PEX14: variants seen among roughly 807,000 people sequenced by gnomAD.
PEX14 encodes peroxisomal biogenesis factor 14, also known as peroxisomal membrane protein PEX14.
A neutral mutation model predicts 49.5 loss-of-function variants in PEX14; 15 were observed. The ratio of observed to expected loss-of-function variants is 0.30; its 90% CI spans 0.20 to 0.47. The LOEUF is 0.47. Ranked by LOEUF, PEX14 falls within the 20% of genes least tolerant of loss-of-function variation. The probability of loss-of-function intolerance (pLI) is 1.00; values close to 1 mark genes in which losing one functional copy is unlikely to be tolerated. For missense variants in PEX14, 398 were observed against 494.8 expected, an observed-to-expected ratio of 0.80 and a Z score of 1.86; for synonymous variants, 210 against 212.7, an observed-to-expected ratio of 0.99 and a Z score of 0.11.
At chr1:10,509,075 T>G (rs999956884) in intron 2 of PEX14, among the ~76,000 whole-genome samples, 10 of 152,318 alleles carry the variant, frequency 6.6e-5, no homozygotes, top group Admixed American at 6.5e-4. Flanking sequence ...TAGCTGGGAC[T>G]ACAGGCGCCC....
chr1:10,613,859 T>A lies in PEX14; in HGVS notation c.299-4473T>A, dbSNP rs575291755. ...CTTGTCTGCATGGCAGGCCAGTCCCTGCTTCCAGAGTGGAGACTCGAAGCA... is the reference window on the plus strand; with the variant it reads ...CTTGTCTGCATGGCAGGCCAGTCCCAGCTTCCAGAGTGGAGACTCGAAGCA... On this transcript the variant is annotated intron_variant, in intron 4 of 8. Coordinates refer to ENST00000356607, the MANE Select transcript of PEX14 (RefSeq NM_004565.3). The surrounding 1 kb of genome is among the most constrained non-coding windows in gnomAD (Gnocchi z 5.0). Among the ~76,000 whole-genome samples, 4 of 152,356 alleles carry A rather than the reference T, an allele frequency of 2.6e-5. No individual in the cohort carries two copies. Among genetic ancestry groups the A allele is most frequent in the African/African-American group, 7.2e-5 (3 of 41,578 alleles).
rs1027895633 is a variant in PEX14 at position 10,556,601 on chromosome 1, C to T, written c.169+20304C>T. Among the ~76,000 whole-genome samples the T allele has an allele frequency of 7.2e-5, 11 of 152,206 alleles. No homozygotes were observed. The East Asian group carries it at 7.7e-4, about 11-fold the overall frequency. On this transcript the variant is annotated intron_variant, in intron 3 of 8. Transcript: ENST00000356607. ...GCTTGGCCTTACTGCCTGAGCACTG[C>T]GCCTGATGTGGAGGGTTAGGGGGCA...
chr1:10,507,309 G>A (rs573827123), intron 2 of PEX14, among the ~76,000 whole-genome samples: 30 of 152,382 alleles, frequency 2.0e-4, no homozygotes, highest in African/African-American at 6.3e-4. Flanking sequence ...GCACACTAGC[G>A]TGCGTGCGGG....
At chr1:10,573,367 C>T (rs548845005) in intron 3 of PEX14, among the ~76,000 whole-genome samples, 3 of 151,730 alleles carry the variant, frequency 2.0e-5, no homozygotes, top group African/African-American at 4.8e-5. Context: ...GAGGCCAAAG[C>T]GGAGGATTGT....
At chr1:10,540,248 G>A (rs975491129) in intron 3 of PEX14, among the ~76,000 whole-genome samples, 1 of 152,186 alleles carries the variant, frequency 6.6e-6, no homozygotes, top group Admixed American at 6.5e-5. Flanking sequence ...GAGGTAAAGG[G>A]CTTCTCTGTA....
chr1:10,512,578 A>G lies in PEX14; in HGVS notation c.84+17257A>G, dbSNP rs957339344. ...CGGTGGTTATATTCCACATTTGTCAAATCCTTAAATCCAACTGAACTAATT... is the reference window on the plus strand; with the variant it reads ...CGGTGGTTATATTCCACATTTGTCAGATCCTTAAATCCAACTGAACTAATT... On this transcript the variant is annotated intron_variant, in intron 2 of 8. Transcript: ENST00000356607. This position sits in a 1 kb window ranked among gnomAD's most constrained non-coding sequence, Gnocchi z 4.6. 1.3e-5 allele frequency among the ~76,000 whole-genome samples: 2 copies of G among 152,264 alleles called. No homozygotes were observed. Among genetic ancestry groups the G allele is most frequent in the Non-Finnish European group, 2.9e-5 (2 of 68,044 alleles).
At chr1:10,563,327 C>T (rs1054456044) in intron 3 of PEX14, among the ~76,000 whole-genome samples, 20 of 151,122 alleles carry the variant, frequency 1.3e-4, no homozygotes, top group Admixed American at 4.0e-4. Flanking sequence ...AGGCCGGGCG[C>T]GGTTGCTCAC....
chr1:10,479,563 G>A (rs557446885), intron 1 of PEX14, among the ~76,000 whole-genome samples: 3 of 152,316 alleles, frequency 2.0e-5, no homozygotes, highest in Non-Finnish European at 4.4e-5. Flanking sequence ...TCGCTGAACA[G>A]CAGAGGCATG....
At chr1:10,554,757 A>C (rs146780946) in intron 3 of PEX14, among the ~76,000 whole-genome samples, 1 of 151,312 alleles carries the variant, frequency 6.6e-6, no homozygotes, top group Non-Finnish European at 1.5e-5. Flanking sequence ...ACTGTCACCC[A>C]GGCTGGAATA....
intron 5 of PEX14, among the ~76,000 whole-genome samples, chr1:10,619,619 A>G (rs557045398): frequency 2.7e-4 from 41 of 151,716 alleles, no homozygotes; most frequent in African/African-American, 9.9e-4. Flanking sequence ...CCGGCTGGTG[A>G]TTTTCTTTTT....
intron 3 of PEX14, among the ~76,000 whole-genome samples, chr1:10,578,572 C>T (rs976989739): frequency 2.0e-5 from 3 of 152,026 alleles, no homozygotes; most frequent in Non-Finnish European, 4.4e-5. Flanking sequence ...AGAAACAGGA[C>T]CCTGTGACCC....
intron 3 of PEX14, among the ~76,000 whole-genome samples, chr1:10,561,003 C>T (rs1318043764): frequency 6.6e-6 from 1 of 152,078 alleles, no homozygotes; most frequent in Non-Finnish European, 1.5e-5. Flanking sequence ...AGGGGTAAGC[C>T]ACTGTGCCTG....
chr1:10,493,197 A>G (rs191721428), intron 1 of PEX14, among the ~76,000 whole-genome samples: 29 of 152,284 alleles, frequency 1.9e-4, no homozygotes, highest in African/African-American at 6.5e-4. Context: ...TTCTAAGAGC[A>G]AGGAGAAGCC....
intron 1 of PEX14, among the ~76,000 whole-genome samples, chr1:10,487,419 A>G (rs1246390249): frequency 6.7e-6 from 1 of 149,010 alleles, no homozygotes; most frequent in Non-Finnish European, 1.5e-5. Flanking sequence ...CAGTAAAGCC[A>G]TCTGGACGTA....
At chr1:10,590,493 T>C (rs1454784111) in intron 3 of PEX14, among the ~76,000 whole-genome samples, 1 of 152,156 alleles carries the variant, frequency 6.6e-6, no homozygotes, top group Non-Finnish European at 1.5e-5. Context: ...ATACTATACC[T>C]ATTATACATT....
chr1:10,629,651 T>C lies in PEX14; in HGVS notation c.798T>C (p.Pro266=). Residue 266 remains proline, a synonymous_variant, in exon 9 of 9, where the codon CCT becomes CCC. Coordinates refer to ENST00000356607, the MANE Select transcript of PEX14 (RefSeq NM_004565.3). The surrounding 1 kb of genome is among the most constrained non-coding windows in gnomAD (Gnocchi z 8.5). Reference sequence around the variant, plus strand: ...ACCACAGCAGCAGCGACATCTCACCTGTCAGCAACGAGTCCACGTCGTCCT... The same window carrying C: ...ACCACAGCAGCAGCGACATCTCACCCGTCAGCAACGAGTCCACGTCGTCCT... ...VNHHSSSDIS[P]VSNESTSSSP... The C allele has an allele frequency of 6.2e-7, 1 of 1,613,944 alleles. No homozygotes were observed. Among genetic ancestry groups the C allele is most frequent in the Non-Finnish European group, 8.5e-7 (1 of 1,179,956 alleles).
chr1:10,525,944 C>CA, intron 2 of PEX14, among the ~76,000 whole-genome samples: 1 of 113,548 alleles, frequency 8.8e-6, no homozygotes. Flanking sequence ...TTTTTTGAGA[C>CA]AGAGTCTCAT....
At chr1:10,531,287 A>G (rs1019790028) in intron 2 of PEX14, among the ~76,000 whole-genome samples, 2 of 152,142 alleles carry the variant, frequency 1.3e-5, no homozygotes, top group African/African-American at 4.8e-5. Flanking sequence ...CTTTGCAACT[A>G]TTTCCCTGTG....
chr1:10,578,284 A>G (rs1640209726), intron 3 of PEX14, among the ~76,000 whole-genome samples: 5 of 152,130 alleles, frequency 3.3e-5, no homozygotes, highest in Admixed American at 3.3e-4. Context: ...AGTCTTGTCA[A>G]GTTAGAGGCG....
Sources: gnomAD v4.1 joint callset for allele counts (sites outside exome capture counted in the v4.1 genomes callset) on GRCh38, gnomAD v4.1.1 for gene constraint, Gnocchi (gnomAD v3.1) non-coding constraint, MANE v1.5 for transcripts, NCBI Gene and HGNC (gene_info 2026-07-23, HGNC 2026-07-21) for gene names.